CABP1: variants seen among roughly 807,000 people sequenced by gnomAD.
CABP1 encodes the protein calcium binding protein 1, also known as calcium-binding protein 1.
A neutral mutation model predicts 34.3 loss-of-function variants in CABP1; 17 were observed. The ratio of observed to expected loss-of-function variants is 0.50; its 90% CI spans 0.34 to 0.74. The LOEUF is 0.74. CABP1 is among the 30% of genes least tolerant of loss of function. The probability of loss-of-function intolerance (pLI) is 0.01; values close to 1 mark genes in which losing one functional copy is unlikely to be tolerated. For synonymous variants in CABP1, 198 were observed against 229.2 expected, an observed-to-expected ratio of 0.86 and a Z score of 1.23; for missense variants, 373 against 511.1, an observed-to-expected ratio of 0.73 and a Z score of 2.61.
At position 120,666,961 on chromosome 12, in the gene CABP1, GC is replaced by G; in HGVS notation, c.*62del. ...AAAGGCGGGGCTAAGAGGAGCTAGA[GC>G]TTGCCTCACCCGCTGTAGCCGCCGA... On this transcript the variant is annotated 3_prime_UTR_variant, in exon 6 of 6. Coordinates refer to ENST00000316803, the MANE Select transcript of CABP1 (RefSeq NM_001033677.2). The G allele has an allele frequency of 6.4e-7, 1 of 1,557,340 alleles. No individual in the cohort carries two copies. Among genetic ancestry groups the G allele is most frequent in the Non-Finnish European group, 8.7e-7 (1 of 1,155,754 alleles).
chr12:120,678,256 T>A, the CABP1 span, among the ~76,000 whole-genome samples: 5 of 152,236 alleles, frequency 3.3e-5, no homozygotes, highest in Non-Finnish European at 4.4e-5. Context: ...TAATTAATAG[T>A]ACGCTTTGTT....
intron 1 of CABP1, chr12:120,659,085 T>A (rs1880447991): frequency 6.6e-6 from 1 of 152,232 alleles, no homozygotes; most frequent in African/African-American, 2.4e-5. Context: ...CCAGGAGACC[T>A]GGGCACTGCT....
Position 120,660,793 on chromosome 12 carries a change from A to G in CABP1, c.892A>G (p.Thr298Ala). ...AATGGGGCCTAAACTCCTGGCAGAGACAGCAGATATGATTGGTGTAAAGGA... is the reference window on the plus strand; with the variant it reads ...AATGGGGCCTAAACTCCTGGCAGAGGCAGCAGATATGATTGGTGTAAAGGA... ...ELMGPKLLAE[T>A]ADMIGVKELR... Residue 298 changes from threonine to alanine, a missense_variant, in exon 4 of 6, where the codon ACA becomes GCA. Physicochemically the swap from Thr to Ala is moderately conservative, Grantham distance 58. This residue lies in a region of CABP1 where 109 missense variants were observed against 204.8 expected (regional missense o/e 0.53). Coordinates refer to ENST00000316803, the MANE Select transcript of CABP1 (RefSeq NM_001033677.2). This position sits in a 1 kb window ranked among gnomAD's most constrained non-coding sequence, Gnocchi z 5.0. The G allele has an allele frequency of 6.2e-7, 1 of 1,614,072 alleles. No homozygotes were observed. The highest frequency in any genetic ancestry group is 8.5e-7 in the Non-Finnish European group (1 of 1,179,974).
the CABP1 span, among the ~76,000 whole-genome samples, chr12:120,672,354 C>T: frequency 5.9e-5 from 9 of 152,004 alleles, no homozygotes; most frequent in South Asian, 4.1e-4. Context: ...AGAGATGGGC[C>T]GGGCATGGTG....
intron 1 of CABP1, among the ~76,000 whole-genome samples, chr12:120,643,151 T>G (rs1397222268): frequency 6.6e-6 from 1 of 152,190 alleles, no homozygotes; most frequent in Non-Finnish European, 1.5e-5. Flanking sequence ...TTCTGAAATG[T>G]CACCAGGGTC....
rs775563574 is a variant in CABP1, at chr12:120,661,146, G to A, written c.1015G>A (p.Val339Met). The A allele has an allele frequency of 3.1e-6, 5 of 1,613,602 alleles. No individual in the cohort carries two copies. Among genetic ancestry groups the A allele is most frequent in the Non-Finnish European group, 8.5e-7 (1 of 1,179,998 alleles). Residue 339 changes from valine to methionine, a missense_variant, in exon 5 of 6, where the codon GTG (valine) becomes ATG (methionine). This residue lies in a region of CABP1 where 109 missense variants were observed against 204.8 expected (regional missense o/e 0.53). Transcript: ENST00000316803. This position sits in a 1 kb window ranked among gnomAD's most constrained non-coding sequence, Gnocchi z 5.1. The stretch of plus-strand genomic sequence containing the variant: ...TATGAGGAAGCTCCTGGGTCATCAG[G>A]TGGGACACCGAGACATAGAGGAAAT... ...EAMRKLLGHQ[V>M]GHRDIEEIIR...
At chr12:120,673,962 G>A in the CABP1 span, among the ~76,000 whole-genome samples, 4 of 152,154 alleles carry the variant, frequency 2.6e-5, no homozygotes, top group Admixed American at 1.3e-4. Flanking sequence ...TGAGAGGATC[G>A]TTTGAGCCCA....
At position 120,661,466 on chromosome 12, in the gene CABP1, A is replaced by G. The variant is rs1490120954; in HGVS notation, c.1087+248A>G. ...TTTCCATTCATCTGTCCATTTATCCATCCATTCATCTACCTATCTATCCAT... is the reference window on the plus strand; with the variant it reads ...TTTCCATTCATCTGTCCATTTATCCGTCCATTCATCTACCTATCTATCCAT... On this transcript the variant is annotated intron_variant, in intron 5 of 5. Transcript: ENST00000316803. This position sits in a 1 kb window ranked among gnomAD's most constrained non-coding sequence, Gnocchi z 5.1. 2.2e-6 allele frequency: 1 copy of G among 458,618 alleles called. No homozygotes were observed. Among genetic ancestry groups the G allele is most frequent in the Non-Finnish European group, 3.9e-6 (1 of 256,190 alleles). The allele number at this position is 458,618 out of a possible 1,614,324, so 28.4% of individuals were successfully genotyped here.
At chr12:120,648,330 C>T (rs551275484) in intron 1 of CABP1, among the ~76,000 whole-genome samples, 2 of 152,172 alleles carry the variant, frequency 1.3e-5, no homozygotes, top group Non-Finnish European at 2.9e-5. Context: ...TCCTGCCCAC[C>T]TGCTAGAATG....
At chr12:120,675,601 T>C in the CABP1 span, among the ~76,000 whole-genome samples, 96 of 152,380 alleles carry the variant, frequency 6.3e-4, 1 homozygote, top group East Asian at 0.017. Flanking sequence ...AGCTCATTTG[T>C]ATTCTTCAGA....
downstream of CABP1, among the ~76,000 whole-genome samples, chr12:120,667,645 C>T (rs186103157): frequency 3.3e-5 from 5 of 152,066 alleles, no homozygotes; most frequent in African/African-American, 9.7e-5. Context: ...CCCGCCACCA[C>T]GCCTGGCTAA....
chr12:120,651,104 G>A (rs1879817092), intron 1 of CABP1, among the ~76,000 whole-genome samples: 1 of 152,184 alleles, frequency 6.6e-6, no homozygotes, highest in Admixed American at 6.5e-5. Context: ...TTGAGGGTCT[G>A]TGAGCCTCTC....
chr12:120,661,661 T>G lies in CABP1; in HGVS notation c.1087+443T>G, dbSNP rs993144219. 1 of 163,330 alleles carries G rather than the reference T, an allele frequency of 6.1e-6. No homozygotes were observed. Among genetic ancestry groups the G allele is most frequent in the Non-Finnish European group, 1.3e-5 (1 of 74,454 alleles). The allele number at this position is 163,330 out of a possible 1,614,324, so 10.1% of individuals were successfully genotyped here. ...TCCATCCATCCATCCGTCCATCCAT[T>G]CGTCTACATATCTATCCATCCATCC... On this transcript the variant is annotated intron_variant, in intron 5 of 5. Coordinates refer to ENST00000316803, the MANE Select transcript of CABP1 (RefSeq NM_001033677.2). The surrounding 1 kb of genome is among the most constrained non-coding windows in gnomAD (Gnocchi z 5.1).
At chr12:120,647,557 A>C (rs1490439086) in intron 1 of CABP1, among the ~76,000 whole-genome samples, 1 of 134,078 alleles carries the variant, frequency 7.5e-6, no homozygotes, top group Non-Finnish European at 1.6e-5. Flanking sequence ...CCTCAGTCCA[A>C]GCCTTTTTTT....
intron 1 of CABP1, among the ~76,000 whole-genome samples, chr12:120,649,042 A>G (rs1593156671): frequency 6.6e-6 from 1 of 151,116 alleles, no homozygotes; most frequent in African/African-American, 2.4e-5. Flanking sequence ...AGTCATCAAT[A>G]CCCGCCCCCC....
chr12:120,678,839 AG>A, the CABP1 span, among the ~76,000 whole-genome samples: 100,118 of 151,660 alleles, frequency 0.66, 34,984 homozygotes, highest in African/African-American at 0.9. Flanking sequence ...TGGGATGCTG[AG>A]GGGGGGGCAG....
In CABP1 at chr12:120,660,405, C is replaced by G; in HGVS notation, c.829+66C>G. ...ACCCTTGCCGTCCTCTGCAGTCAGACAGGACTGGCTTCAAATTCTGCATCC... is the reference window on the plus strand; with the variant it reads ...ACCCTTGCCGTCCTCTGCAGTCAGAGAGGACTGGCTTCAAATTCTGCATCC... On this transcript the variant is annotated intron_variant, in intron 3 of 5. Transcript: ENST00000316803. The surrounding 1 kb of genome is among the most constrained non-coding windows in gnomAD (Gnocchi z 5.0). 1 of 1,528,152 alleles carries G rather than the reference C, an allele frequency of 6.5e-7. No individual in the cohort carries two copies. Among genetic ancestry groups the G allele is most frequent in the Non-Finnish European group, 8.9e-7 (1 of 1,127,444 alleles). The allele number at this position is 1,528,152 out of a possible 1,614,324, so 94.7% of individuals were successfully genotyped here.
chr12:120,671,198 G>A (rs773925124), downstream of CABP1, among the ~76,000 whole-genome samples: 19 of 151,958 alleles, frequency 1.3e-4, no homozygotes, highest in Non-Finnish European at 2.4e-4. Context: ...TTGAGGTCAG[G>A]AGTTCGAGAC....
chr12:120,644,133 G>A (rs901239053), intron 1 of CABP1, among the ~76,000 whole-genome samples: 30 of 152,166 alleles, frequency 2.0e-4, no homozygotes, highest in Non-Finnish European at 4.0e-4. Flanking sequence ...TGTCACTTTC[G>A]ATCTCTGTGT....
Sources: allele counts gnomAD v4.1 joint callset (sites outside exome capture counted in the v4.1 genomes callset), GRCh38; gene constraint gnomAD v4.1.1; regional missense constraint gnomAD v4.1.1; non-coding constraint Gnocchi (gnomAD v3.1); transcripts MANE v1.5; gene names NCBI Gene and HGNC (gene_info 2026-07-23, HGNC 2026-07-21).